UNC80: variants seen among roughly 807,000 people sequenced by gnomAD.
The protein encoded by UNC80 is unc-80 subunit of NALCN channel complex, also known as protein unc-80 homolog.
In UNC80, 164 loss-of-function variants were observed where a neutral mutation model predicts 384.6. The ratio of observed to expected loss-of-function variants is 0.43; its 90% confidence interval spans 0.38 to 0.49. UNC80 has a LOEUF of 0.49. Among genes scored for constraint, UNC80 ranks in the 20% least tolerant of loss-of-function variants. UNC80 has a pLI of 0.00. For missense variants in UNC80, 3,330 were observed against 4,143.0 expected (o/e 0.80, Z 5.39); for synonymous variants, 1,486 against 1,527.8 (o/e 0.97, Z 0.64).
intron 21 of UNC80, among the ~76,000 whole-genome samples, chr2:209,842,996 C>T (rs561449705): frequency 1.3e-5 from 2 of 152,290 alleles, no homozygotes; most frequent in East Asian, 1.9e-4. Context: ...ACATCACATA[C>T]ACTCTCACAC....
intron 47 of UNC80, among the ~76,000 whole-genome samples, chr2:209,946,881 A>G (rs2091938759): frequency 6.6e-6 from 1 of 152,226 alleles, no homozygotes. Flanking sequence ...CCATAAGAGA[A>G]TGAATAAGGG....
chr2:209,775,666 G>A (rs935756669), intron 2 of UNC80, among the ~76,000 whole-genome samples: 1 of 152,130 alleles, frequency 6.6e-6, no homozygotes. Context: ...TCAAAAGCCT[G>A]CAAATGGGTA....
At position 209,954,276 on chromosome 2, in the gene UNC80, C is replaced by G; in HGVS notation, c.7457+6C>G. 1.4e-6 allele frequency: 2 copies of G among 1,474,854 alleles called. No homozygotes were observed. The highest frequency in any genetic ancestry group is 2.8e-5 in the South Asian group (2 of 70,966). 91.4% of individuals were successfully genotyped at this position (1,474,854 alleles called of 1,614,324 possible). On this transcript the variant is annotated splice_donor_region_variant and intron_variant, in intron 48 of 64. Transcript: ENST00000673920. ...AGTGTAGAGGTCCTCACCAGGTAAT[C>G]CCATTGGCAGAAATAGCTACAGCCT...
At chr2:209,923,886 A>G (rs1284166467) in intron 35 of UNC80, among the ~76,000 whole-genome samples, 1 of 152,012 alleles carries the variant, frequency 6.6e-6, no homozygotes, top group Non-Finnish European at 1.5e-5. Flanking sequence ...TTGCCTTTTG[A>G]TTAGTCAGTT....
intron 33 of UNC80, among the ~76,000 whole-genome samples, chr2:209,918,960 A>G (rs1029533571): frequency 2.0e-5 from 3 of 152,202 alleles, no homozygotes; most frequent in Non-Finnish European, 4.4e-5. Context: ...TTTATTACAA[A>G]CGAACATACT....
chr2:209,963,079 T>C (rs1265267878), intron 51 of UNC80, among the ~76,000 whole-genome samples: 1 of 152,272 alleles, frequency 6.6e-6, no homozygotes, highest in Non-Finnish European at 1.5e-5. Flanking sequence ...GAATGTATGG[T>C]TGATTACAAG....
chr2:209,861,824 G>C (rs528057170), intron 22 of UNC80, among the ~76,000 whole-genome samples: 48 of 152,314 alleles, frequency 3.2e-4, no homozygotes, highest in African/African-American at 1.1e-3. Flanking sequence ...TTTGCATAGA[G>C]GGGTTTATAG....
At position 209,839,907 on chromosome 2, in the gene UNC80, G is replaced by C. The variant is rs2081613441; in HGVS notation, c.3250+477G>C. 6.6e-6 allele frequency among the ~76,000 whole-genome samples: 1 copy of C among 152,152 alleles called. No homozygotes were observed. The highest frequency in any genetic ancestry group is 2.1e-4 in the South Asian group (1 of 4,820). ...GGGATACTTGGGAGAAGGAAGGAGA[G>C]CACTCCAGGTAGCCATTATTTGCAA... On this transcript the variant is annotated intron_variant, in intron 19 of 64. Transcript: ENST00000673920. This position sits in a 1 kb window ranked among gnomAD's most constrained non-coding sequence, Gnocchi z 4.1.
Position 209,820,519 on chromosome 2 carries a change from G to A in UNC80, c.2171G>A (p.Ser724Asn), listed in dbSNP as rs1049248465. The A allele has an allele frequency of 6.4e-7, 1 of 1,551,500 alleles. No individual in the cohort carries two copies. Among genetic ancestry groups the A allele is most frequent in the African/African-American group, 1.4e-5 (1 of 73,002 alleles). The change falls in exon 13 of 65, where the codon AGT becomes AAT. Residue 724 changes from serine to asparagine, a missense_variant. Around this residue, in one of 8 missense-constraint regions of UNC80, gnomAD observed 937 missense variants for 1,026.8 expected, o/e 0.91. Transcript: ENST00000673920. ...GAFQFKGVSG[S>N]STCGFGGPAV... ...TTCCAATTCAAAGGAGTATCTGGAA[G>A]TTCCACCTGTGGATTCGGAGGCCCT...
intron 47 of UNC80, among the ~76,000 whole-genome samples, chr2:209,948,375 T>C (rs1224684652): frequency 6.6e-6 from 1 of 152,176 alleles, no homozygotes; most frequent in East Asian, 1.9e-4. Context: ...TTTGTTGGGT[T>C]GTAGTGACAT....
chr2:209,866,811 AC>A (rs2083871237), intron 22 of UNC80, among the ~76,000 whole-genome samples: 1 of 152,202 alleles, frequency 6.6e-6, no homozygotes, highest in African/African-American at 2.4e-5. Flanking sequence ...TGTGTTTGAT[AC>A]ACTACGATTC....
chr2:209,904,710 C>A, intron 28 of UNC80, 55 bp from the exon 29 acceptor site: 1 of 1,460,248 alleles, frequency 6.8e-7, no homozygotes, highest in South Asian at 1.2e-5. Flanking sequence ...TAGATATGTT[C>A]AGTTTATCTG....
intron 26 of UNC80, among the ~76,000 whole-genome samples, chr2:209,892,779 CTTAA>C (rs1275311306): frequency 6.6e-6 from 1 of 152,130 alleles, no homozygotes; most frequent in Non-Finnish European, 1.5e-5. Context: ...GTGATAAAGT[CTTAA>C]TTAAACATAA....
At position 209,840,564 on chromosome 2, in the gene UNC80, C is replaced by T. The variant is rs1574681450; in HGVS notation, c.3273C>T (p.Ser1091=). Residue 1091 remains serine (S), a synonymous_variant, in exon 20 of 65, where the codon TCC becomes TCT. Transcript: ENST00000673920. The part of the protein sequence containing the change: ...LPIGNWLKRS[S]LSGLADGVED... ...TAGGGAACTGGCTGAAGAGATCATC[C>T]CTCTCAGGCCTGGCAGATGGTGTGG... The T allele has an allele frequency of 3.2e-6, 5 of 1,551,696 alleles. No homozygotes were observed. In the South Asian group the frequency reaches 5.9e-5, roughly 18 times the overall value.
In UNC80 at chr2:209,955,734, T is replaced by C. The variant is rs1279937935; in HGVS notation, c.7457+1464T>C. Among the ~76,000 whole-genome samples, 557 of 64,094 alleles carry C rather than the reference T, an allele frequency of 8.7e-3. 22 individuals are homozygous for C. The highest frequency in any genetic ancestry group is 0.012 in the Non-Finnish European group (446 of 36,988). 42.0% of individuals were successfully genotyped at this position (64,094 alleles called of 152,430 possible). On this transcript the variant is annotated intron_variant, in intron 48 of 64. Transcript: ENST00000673920. The stretch of plus-strand genomic sequence containing the variant: ...ATATATATATATATATATATATATA[T>C]ATATACACACACACACACACACACA...
At position 209,844,476 on chromosome 2, in the gene UNC80, TTTCCTTCC is replaced by T. The variant is rs1163831109; in HGVS notation, c.3454+2097_3454+2104del. ...TTTTCTTTCTTTCTTTCTTTCTTTC[TTTCCTTCC>T]TTCCTTCCTTCCTTCCTTCCTTCCT... is the stretch of plus-strand genomic sequence containing the variant. On this transcript the variant is annotated intron_variant, in intron 21 of 64. Transcript: ENST00000673920. Among the ~76,000 whole-genome samples the T allele has an allele frequency of 9.8e-3, 678 of 69,162 alleles. 7 individuals carry two copies. The highest frequency in any genetic ancestry group is 0.024 in the African/African-American group (453 of 18,932). The allele number at this position is 69,162 out of a possible 152,430, so 45.4% of individuals were successfully genotyped here.
chr2:209,913,821 C>T lies in UNC80; in HGVS notation c.4910C>T (p.Ala1637Val), dbSNP rs1379331673. Residue 1637 changes from alanine to valine, a missense_variant, in exon 31 of 65, where the codon GCT becomes GTT. Ala to Val is a moderately conservative substitution (Grantham distance 64). Transcript: ENST00000673920. ...TCCCAGGTGATGAGCTTGTCGCCTG[C>T]TCCCTTATCTCTGTTAATCAAGGCA... ...IRLQVMSLSP[A>V]PLSLLIKAAP... is the part of the protein sequence containing the mutation. The T allele has an allele frequency of 6.5e-7, 1 of 1,548,988 alleles. No homozygotes were observed. The highest frequency in any genetic ancestry group is 1.2e-5 in the South Asian group (1 of 83,822).
At chr2:209,882,046 A>T (rs2085340444) in intron 25 of UNC80, among the ~76,000 whole-genome samples, 1 of 147,786 alleles carries the variant, frequency 6.8e-6, no homozygotes, top group South Asian at 2.1e-4. Flanking sequence ...TGCTCACTGC[A>T]AGCTCTGCCT....
intron 25 of UNC80, among the ~76,000 whole-genome samples, chr2:209,885,676 T>C (rs2085730328): frequency 6.6e-6 from 1 of 152,084 alleles, no homozygotes; most frequent in Non-Finnish European, 1.5e-5. Flanking sequence ...GGGTGTGATA[T>C]AATTTTCTGA....
Sources: gnomAD v4.1 joint callset for allele counts (sites outside exome capture counted in the v4.1 genomes callset) on GRCh38, gnomAD v4.1.1 for gene constraint, gnomAD v4.1.1 regional missense constraint, Gnocchi (gnomAD v3.1) non-coding constraint, MANE v1.5 for transcripts, NCBI Gene and HGNC (gene_info 2026-07-23, HGNC 2026-07-21) for gene names.